ZDHHC13: variants seen among roughly 807,000 people sequenced by gnomAD.
ZDHHC13 encodes palmitoyltransferase ZDHHC13.
Under a neutral mutation model 86.0 loss-of-function variants are expected in ZDHHC13, and 85 were observed. The observed-to-expected ratio is 0.99, with a 90% CI of 0.83 to 1.18. The LOEUF is 1.18. ZDHHC13 is among the 50% of genes most tolerant of loss of function. The pLI, the probability that ZDHHC13 is intolerant of heterozygous loss-of-function variation, is 0.00. For missense variants in ZDHHC13, 711 were observed against 730.2 expected (o/e 0.97, Z 0.30); for synonymous variants, 263 against 246.4 (o/e 1.07, Z -0.63).
At chr11:19,162,230 T>G (rs578188505) in intron 10 of ZDHHC13, among the ~76,000 whole-genome samples, 35 of 152,266 alleles carry the variant, frequency 2.3e-4, no homozygotes, top group Middle Eastern at 3.4e-3. Flanking sequence ...ACTGTGCAGA[T>G]CTAAAGGATC....
At chr11:19,118,036 CTTAATA>C (rs1484212408) in intron 1 of ZDHHC13, 1 of 152,228 alleles carries the variant, frequency 6.6e-6, no homozygotes, top group Non-Finnish European at 1.5e-5. Flanking sequence ...TAGACGTTCA[CTTAATA>C]TTTATTGAAT....
intron 1 of ZDHHC13, among the ~76,000 whole-genome samples, chr11:19,135,099 C>T (rs1196993569): frequency 2.0e-5 from 3 of 152,202 alleles, no homozygotes; most frequent in Non-Finnish European, 4.4e-5. Flanking sequence ...CAGCTCTGGT[C>T]TACAGCTCCC....
chr11:19,119,009 C>G (rs1359087418), intron 1 of ZDHHC13, among the ~76,000 whole-genome samples: 1 of 152,228 alleles, frequency 6.6e-6, no homozygotes, highest in Non-Finnish European at 1.5e-5. Flanking sequence ...AAAAACATTA[C>G]TGCTCTCATT....
intron 10 of ZDHHC13, among the ~76,000 whole-genome samples, chr11:19,161,585 G>A (rs1222151897): frequency 1.3e-5 from 2 of 151,746 alleles, no homozygotes; most frequent in Non-Finnish European, 2.9e-5. Flanking sequence ...TCTGGCTTGT[G>A]CGAGGGGGGA....
Position 19,172,158 on chromosome 11 carries a change from C to T in ZDHHC13, c.1633-565C>T, listed in dbSNP as rs578124999. Among the ~76,000 whole-genome samples, 480 of 152,252 alleles carry T rather than the reference C, an allele frequency of 3.2e-3. 3 individuals are homozygous for T. Among genetic ancestry groups the T allele is most frequent in the African/African-American group, 0.011 (464 of 41,560 alleles). On this transcript the variant is annotated intron_variant, in intron 15 of 16. Coordinates refer to ENST00000446113, the MANE Select transcript of ZDHHC13 (RefSeq NM_019028.3). ...CGGGATCTCGGCTCACTGCAACCTC[C>T]GCCTTCCCGTGTCAAGTGATTCTCC...
intron 1 of ZDHHC13, among the ~76,000 whole-genome samples, chr11:19,131,175 T>C (rs774232368): frequency 1.3e-5 from 2 of 152,144 alleles, no homozygotes; most frequent in Non-Finnish European, 2.9e-5. Flanking sequence ...CCCGCCACCA[T>C]GCCCGGCTAA....
chr11:19,145,108 C>CAA (rs1042545306), intron 2 of ZDHHC13, among the ~76,000 whole-genome samples: 4 of 141,318 alleles, frequency 2.8e-5, no homozygotes, highest in East Asian at 2.0e-4. Context: ...GACTCCATCT[C>CAA]AAAAAAAAAA....
At chr11:19,157,747 T>C (rs1269150337) in intron 9 of ZDHHC13, among the ~76,000 whole-genome samples, 1 of 152,212 alleles carries the variant, frequency 6.6e-6, no homozygotes, top group East Asian at 1.9e-4. Flanking sequence ...TATGTTTGGT[T>C]GTTCGTTTAT....
intron 1 of ZDHHC13, among the ~76,000 whole-genome samples, chr11:19,122,789 A>G (rs11025027): frequency 0.043 from 6,600 of 152,324 alleles, 255 homozygotes; most frequent in East Asian, 0.21. Context: ...AAGATAAAAA[A>G]TTATTATAAT....
intron 15 of ZDHHC13, among the ~76,000 whole-genome samples, chr11:19,172,110 T>C (rs1273493091): frequency 1.3e-5 from 2 of 152,220 alleles, no homozygotes; most frequent in African/African-American, 2.4e-5. Context: ...TTTCGCTCTT[T>C]CACCCATGCT....
At chr11:19,135,162 G>A (rs1195894255) in intron 1 of ZDHHC13, among the ~76,000 whole-genome samples, 7 of 152,214 alleles carry the variant, frequency 4.6e-5, no homozygotes, top group Non-Finnish European at 8.8e-5. Context: ...CTGAGGTACC[G>A]GGTTCATCTC....
chr11:19,152,327 C>A lies in ZDHHC13; in HGVS notation c.747+7C>A, dbSNP rs747016012. On this transcript the variant is annotated splice_region_variant and intron_variant, in intron 7 of 16. Transcript: ENST00000446113. ...GGATATCCAGAATGTTAAGGTATGG[C>A]CAGATATTTATCTCCCTTAGTTTAT... 6.2e-7 allele frequency: 1 copy of A among 1,611,484 alleles called. No individual in the cohort carries two copies. Among genetic ancestry groups the A allele is most frequent in the Admixed American group, 1.7e-5 (1 of 59,648 alleles).
At chr11:19,174,485 G>T (rs1232261884) in intron 16 of ZDHHC13, among the ~76,000 whole-genome samples, 1 of 152,152 alleles carries the variant, frequency 6.6e-6, no homozygotes, top group African/African-American at 2.4e-5. Flanking sequence ...TCCTTTACTG[G>T]CAGCAATGCC....
chr11:19,172,920 A>G (rs1850263020), intron 16 of ZDHHC13, 100 bp downstream of exon 16: 1 of 1,112,978 alleles, frequency 9.0e-7, no homozygotes, highest in Admixed American at 2.8e-5. Context: ...GCTGTTCTGT[A>G]ATTTGCCATC....
At chr11:19,145,157 T>G (rs1250701073) in intron 2 of ZDHHC13, among the ~76,000 whole-genome samples, 1 of 152,206 alleles carries the variant, frequency 6.6e-6, no homozygotes, top group African/African-American at 2.4e-5. Context: ...TTATTCTCTA[T>G]GAAATATGTC....
chr11:19,166,269 A>T (rs550913559), intron 13 of ZDHHC13, 33 bp from the exon 14 acceptor site: 1 of 1,561,994 alleles, frequency 6.4e-7, no homozygotes, highest in Non-Finnish European at 8.7e-7. Flanking sequence ...AGAAACGAAA[A>T]TATTAAGTAT....
chr11:19,136,569 T>C (rs1334227297), intron 1 of ZDHHC13, among the ~76,000 whole-genome samples: 2 of 151,996 alleles, frequency 1.3e-5, no homozygotes, highest in African/African-American at 4.8e-5. Flanking sequence ...ATACAGAGAA[T>C]GCCACAAAGA....
chr11:19,155,386 G>A (rs1242632070), intron 8 of ZDHHC13, among the ~76,000 whole-genome samples: 1 of 151,974 alleles, frequency 6.6e-6, no homozygotes, highest in Admixed American at 6.6e-5. Context: ...TTCAAGACCA[G>A]CCTCGTCAAC....
intron 16 of ZDHHC13, among the ~76,000 whole-genome samples, chr11:19,173,582 G>T (rs928160687): frequency 2.0e-5 from 3 of 152,168 alleles, no homozygotes; most frequent in Non-Finnish European, 4.4e-5. Context: ...TAGACAAGGG[G>T]ATCAGAGACT....
Sources: gnomAD v4.1 joint callset for allele counts (sites outside exome capture counted in the v4.1 genomes callset) on GRCh38, gnomAD v4.1.1 for gene constraint, MANE v1.5 for transcripts, NCBI Gene and HGNC (gene_info 2026-07-23, HGNC 2026-07-21) for gene names.